ANKS1B: variants seen among roughly 807,000 people sequenced by gnomAD.
ANKS1B encodes the protein ankyrin repeat and sterile alpha motif domain-containing protein 1B.
In ANKS1B, 36 loss-of-function variants were observed where a neutral mutation model predicts 148.3. That is an observed-to-expected ratio of 0.24 (90% CI 0.19 to 0.32). The LOEUF (loss-of-function observed/expected upper bound fraction) is 0.32, where lower values mean the gene tolerates loss of function less well. Ranked by LOEUF, ANKS1B falls within the 10% of genes least tolerant of loss-of-function variation. The pLI, the probability that ANKS1B is intolerant of heterozygous loss-of-function variation, is 1.00. For missense variants in ANKS1B, 1,157 were observed against 1,542.6 expected (o/e 0.75, Z 4.19); for synonymous variants, 542 against 560.8 (o/e 0.97, Z 0.47).
At chr12:99,471,233 T>A (rs2096237066) in intron 10 of ANKS1B, among the ~76,000 whole-genome samples, 1 of 152,138 alleles carries the variant, frequency 6.6e-6, no homozygotes, top group Non-Finnish European at 1.5e-5. Flanking sequence ...TGTTCCTATA[T>A]CCTCACAAAA....
intron 4 of ANKS1B, among the ~76,000 whole-genome samples, chr12:99,803,953 C>T (rs989718421): frequency 9.2e-5 from 14 of 152,254 alleles, no homozygotes; most frequent in African/African-American, 2.6e-4. Context: ...CTCCACTAAG[C>T]GTGGGGCAGA....
chr12:99,671,949 A>T (rs1036669888), intron 8 of ANKS1B, among the ~76,000 whole-genome samples: 1 of 152,168 alleles, frequency 6.6e-6, no homozygotes, highest in Non-Finnish European at 1.5e-5. Context: ...TTTAATAAAC[A>T]TATTAACAAT....
chr12:98,761,233 T>C (rs56372037), intron 25 of ANKS1B, among the ~76,000 whole-genome samples: 3,882 of 152,302 alleles, frequency 0.025, 120 homozygotes, highest in South Asian at 0.077. Context: ...GCCTATTTCA[T>C]TGAGGCACCC....
intron 14 of ANKS1B, among the ~76,000 whole-genome samples, chr12:99,232,568 C>A (rs980543194): frequency 6.6e-6 from 1 of 152,188 alleles, no homozygotes; most frequent in African/African-American, 2.4e-5. Context: ...TTAAGTGATC[C>A]TCCATCCCAT....
At chr12:99,163,557 T>C (rs772502002) in intron 14 of ANKS1B, among the ~76,000 whole-genome samples, 1 of 151,754 alleles carries the variant, frequency 6.6e-6, no homozygotes, top group Non-Finnish European at 1.5e-5. Context: ...ATCATCACAG[T>C]CGAGACACCG....
intron 25 of ANKS1B, among the ~76,000 whole-genome samples, chr12:98,767,237 T>G (rs2098496100): frequency 1.3e-5 from 2 of 152,208 alleles, no homozygotes; most frequent in South Asian, 4.1e-4. Flanking sequence ...GCTAGTGTTT[T>G]TCTTGCCCCA....
intron 12 of ANKS1B, among the ~76,000 whole-genome samples, chr12:99,372,857 A>C (rs1464880335): frequency 6.6e-6 from 1 of 152,046 alleles, no homozygotes; most frequent in Non-Finnish European, 1.5e-5. Flanking sequence ...TGAAATTATC[A>C]TGTCTCATCT....
intron 15 of ANKS1B, among the ~76,000 whole-genome samples, chr12:99,086,152 A>G (rs946482218): frequency 6.6e-6 from 1 of 152,214 alleles, no homozygotes; most frequent in Non-Finnish European, 1.5e-5. Context: ...AAAGGCAGTT[A>G]GGTAGGATGC....
In ANKS1B at chr12:99,973,402, A is replaced by T. The variant is rs149285640; in HGVS notation, c.134+10702T>A. On this transcript the variant is annotated intron_variant, in intron 1 of 26. Coordinates refer to ENST00000683438, the MANE Select transcript of ANKS1B (RefSeq NM_001352186.2). Reference sequence around the variant, plus strand: ...CAAGACCAGTCTGGGCAACATAGGGAAACCCTGTCTCTACAAAAAATTTAA... The same window carrying T: ...CAAGACCAGTCTGGGCAACATAGGGTAACCCTGTCTCTACAAAAAATTTAA... 2.7e-3 allele frequency among the ~76,000 whole-genome samples: 408 copies of T among 152,280 alleles called. 1 individual carries two copies. The highest frequency in any genetic ancestry group is 9.4e-3 in the African/African-American group (391 of 41,562).
intron 15 of ANKS1B, among the ~76,000 whole-genome samples, chr12:99,131,879 C>T (rs766045801): frequency 3.9e-5 from 6 of 152,176 alleles, no homozygotes; most frequent in African/African-American, 9.7e-5. Flanking sequence ...CTAAGCCAGC[C>T]GGGTGCTGGG....
At chr12:98,781,437 C>T (rs2098735228) in intron 23 of ANKS1B, 3 of 606,184 alleles carry the variant, frequency 4.9e-6, no homozygotes, top group Non-Finnish European at 9.3e-6. Context: ...CCGTCTTGCC[C>T]TTGAGGATCT....
intron 7 of ANKS1B, among the ~76,000 whole-genome samples, chr12:99,774,637 T>C (rs1364306734): frequency 6.6e-6 from 1 of 152,132 alleles, no homozygotes; most frequent in East Asian, 1.9e-4. Flanking sequence ...GGGGTGCTTA[T>C]TCACAGGAAA....
chr12:99,850,315 C>CTCTCTCTCTG (rs2087559348), intron 1 of ANKS1B, among the ~76,000 whole-genome samples: 1 of 151,738 alleles, frequency 6.6e-6, no homozygotes, highest in Non-Finnish European at 1.5e-5. Context: ...CTCTCTCTCT[C>CTCTCTCTCTG]TCTCACCTAC....
At chr12:99,657,897 CA>C (rs58151526) in intron 8 of ANKS1B, among the ~76,000 whole-genome samples, 3,669 of 75,364 alleles carry the variant, frequency 0.049, 19 homozygotes, top group Middle Eastern at 0.068. Context: ...TCTCCTCCCT[CA>C]AAAAAAAAAA....
chr12:99,594,280 A>G (rs540042978), intron 9 of ANKS1B, among the ~76,000 whole-genome samples: 5 of 152,252 alleles, frequency 3.3e-5, no homozygotes, highest in Non-Finnish European at 7.4e-5. Flanking sequence ...TTATGCAGTC[A>G]TTATGAAAAA....
chr12:99,936,954 C>T (rs1444623479), intron 1 of ANKS1B, among the ~76,000 whole-genome samples: 2 of 152,132 alleles, frequency 1.3e-5, no homozygotes, highest in Non-Finnish European at 2.9e-5. Flanking sequence ...CATAGGTAAC[C>T]AAAGTATACA....
intron 10 of ANKS1B, among the ~76,000 whole-genome samples, chr12:99,477,070 G>A (rs561436893): frequency 2.0e-5 from 3 of 152,258 alleles, no homozygotes; most frequent in South Asian, 4.1e-4. Context: ...CAGCAGGAGA[G>A]AGCTAATAAA....
chr12:99,576,176 GTTCAA>G (rs753980723), intron 9 of ANKS1B, among the ~76,000 whole-genome samples: 121 of 151,982 alleles, frequency 8.0e-4, no homozygotes, highest in Non-Finnish European at 5.3e-4. Flanking sequence ...ATGAGAAAGG[GTTCAA>G]TTCAACAAGA....
intron 9 of ANKS1B, among the ~76,000 whole-genome samples, chr12:99,517,610 T>A (rs2096834850): frequency 6.6e-6 from 1 of 151,010 alleles, no homozygotes; most frequent in Admixed American, 6.6e-5. Flanking sequence ...GCGCCTGTAA[T>A]CTCAGCTACT....
Sources: allele counts gnomAD v4.1 joint callset (sites outside exome capture counted in the v4.1 genomes callset), GRCh38; gene constraint gnomAD v4.1.1; transcripts MANE v1.5; gene names NCBI Gene and HGNC (gene_info 2026-07-23, HGNC 2026-07-21).